Variants in RALYL observed in about 807,000 individuals in gnomAD.
RALYL encodes RALY RNA binding protein like.
A neutral mutation model predicts 35.1 loss-of-function variants in RALYL; 29 were observed. The observed-to-expected ratio is 0.83, with a 90% CI of 0.61 to 1.13. The LOEUF (loss-of-function observed/expected upper bound fraction) is 1.13, where lower values mean the gene tolerates loss of function less well. Among genes scored for constraint, RALYL ranks in the 50% most tolerant of loss-of-function variants. The pLI, the probability that RALYL is intolerant of heterozygous loss-of-function variation, is 0.00. For synonymous variants in RALYL, 120 were observed against 127.6 expected (o/e 0.94, Z 0.40); for missense variants, 359 against 360.4 (o/e 1.00, Z 0.03).
chr8:84,580,913 G>T (rs958346798), intron 2 of RALYL, among the ~76,000 whole-genome samples: 1 of 152,238 alleles, frequency 6.6e-6, no homozygotes, highest in South Asian at 2.1e-4. Context: ...AGTCTTGTTG[G>T]CTGGGAATGG....
chr8:84,459,940 A>G (rs1204373332), intron 1 of RALYL, among the ~76,000 whole-genome samples: 1 of 151,736 alleles, frequency 6.6e-6, no homozygotes, highest in Non-Finnish European at 1.5e-5. Context: ...ACAAATTCTT[A>G]AACTATAGAA....
intron 1 of RALYL, among the ~76,000 whole-genome samples, chr8:84,293,421 A>C (rs772368624): frequency 6.6e-6 from 1 of 152,120 alleles, no homozygotes; most frequent in Non-Finnish European, 1.5e-5. Flanking sequence ...TGATTATAGA[A>C]AAGCCAGCAT....
At chr8:84,424,901 G>T (rs1414022378) in intron 1 of RALYL, among the ~76,000 whole-genome samples, 2 of 151,662 alleles carry the variant, frequency 1.3e-5, no homozygotes, top group Non-Finnish European at 2.9e-5. Flanking sequence ...GAGGCAGTCT[G>T]CAGGTTCTCA....
intron 1 of RALYL, among the ~76,000 whole-genome samples, chr8:84,215,272 A>G (rs1820522670): frequency 6.6e-6 from 1 of 152,204 alleles, no homozygotes; most frequent in Non-Finnish European, 1.5e-5. Flanking sequence ...TGTCATAGCC[A>G]TAATGATTTT....
chr8:84,308,920 G>A (rs1001108438), intron 1 of RALYL, among the ~76,000 whole-genome samples: 4 of 151,870 alleles, frequency 2.6e-5, no homozygotes, highest in African/African-American at 9.6e-5. Context: ...AAAATAAAAT[G>A]CTAATAAACA....
At chr8:84,671,762 T>G (rs971757631) in intron 2 of RALYL, among the ~76,000 whole-genome samples, 5 of 152,092 alleles carry the variant, frequency 3.3e-5, no homozygotes, top group African/African-American at 4.8e-5. Context: ...CGAAACCATT[T>G]TTTCCTTCTA....
chr8:84,512,747 G>A (rs1369214637), intron 1 of RALYL, among the ~76,000 whole-genome samples: 1 of 152,048 alleles, frequency 6.6e-6, no homozygotes, highest in Non-Finnish European at 1.5e-5. Flanking sequence ...TCTGCATATG[G>A]ATGTCCAATT....
In RALYL at chr8:84,900,676, T is replaced by C. The variant is rs1587083489; in HGVS notation, c.858+12900T>C. Among the ~76,000 whole-genome samples, 5 of 151,250 alleles carry C rather than the reference T, an allele frequency of 3.3e-5. No individual in the cohort carries two copies. The East Asian group carries it at 9.7e-4, about 29-fold the overall frequency. The stretch of plus-strand genomic sequence containing the variant: ...CCTGGGCAACAAGAGCGAAAGTTTG[T>C]CTTAAAAAAAAAAAAATTCTCCCTA... On this transcript the variant is annotated intron_variant, in intron 8 of 8. Coordinates refer to ENST00000521268, the MANE Select transcript of RALYL (RefSeq NM_173848.7).
chr8:84,756,575 A>G (rs1811456448), intron 2 of RALYL, among the ~76,000 whole-genome samples: 1 of 152,140 alleles, frequency 6.6e-6, no homozygotes, highest in Admixed American at 6.6e-5. Flanking sequence ...ACACACACCT[A>G]TCTTCCCAAC....
chr8:84,447,748 A>G (rs1361094326), intron 1 of RALYL, among the ~76,000 whole-genome samples: 2 of 152,058 alleles, frequency 1.3e-5, no homozygotes, highest in African/African-American at 4.8e-5. Flanking sequence ...GCTCAGGCAG[A>G]TGTGACAAAG....
chr8:84,401,444 T>G (rs1466030580), intron 1 of RALYL, among the ~76,000 whole-genome samples: 1 of 151,740 alleles, frequency 6.6e-6, no homozygotes, highest in African/African-American at 2.4e-5. Context: ...GAGACCATCT[T>G]GGCTTAACAC....
At chr8:84,766,720 C>CAAAAA (rs751821694) in intron 2 of RALYL, among the ~76,000 whole-genome samples, 1 of 18,016 alleles carries the variant, frequency 5.6e-5, no homozygotes, top group African/African-American at 1.9e-4. Flanking sequence ...GAGACTGTCT[C>CAAAAA]AAAAAAAAAA....
chr8:84,319,543 G>T (rs979983491), intron 1 of RALYL, among the ~76,000 whole-genome samples: 1 of 152,044 alleles, frequency 6.6e-6, no homozygotes. Context: ...GCTTCTTTAA[G>T]TTCTTGTTAA....
At chr8:84,263,496 C>T (rs1044182074) in intron 1 of RALYL, among the ~76,000 whole-genome samples, 1 of 152,198 alleles carries the variant, frequency 6.6e-6, no homozygotes, top group African/African-American at 2.4e-5. Flanking sequence ...CAAATTCCCT[C>T]ATTCTGAATG....
chr8:84,577,095 T>C (rs1212870348), intron 2 of RALYL, among the ~76,000 whole-genome samples: 1 of 152,186 alleles, frequency 6.6e-6, no homozygotes, highest in Admixed American at 6.5e-5. Context: ...ATCTGACAGT[T>C]TTTAGGTCTT....
chr8:84,713,061 CTA>C (rs1378608070), intron 2 of RALYL, among the ~76,000 whole-genome samples: 1 of 151,990 alleles, frequency 6.6e-6, no homozygotes, highest in Non-Finnish European at 1.5e-5. Flanking sequence ...AGCTTTTCTT[CTA>C]TGTTTTCTTC....
At chr8:84,219,263 C>G (rs1821601569) in intron 1 of RALYL, among the ~76,000 whole-genome samples, 2 of 152,152 alleles carry the variant, frequency 1.3e-5, no homozygotes, top group East Asian at 3.9e-4. Flanking sequence ...TGAGTTCTCA[C>G]AAGAACTGAT....
At chr8:84,648,499 T>A (rs1827974721) in intron 2 of RALYL, among the ~76,000 whole-genome samples, 2 of 152,074 alleles carry the variant, frequency 1.3e-5, no homozygotes, top group Admixed American at 6.6e-5. Flanking sequence ...AAGATAATCT[T>A]TTGTCCAATG....
chr8:84,253,297 C>A (rs1000841881), intron 1 of RALYL, among the ~76,000 whole-genome samples: 1 of 142,994 alleles, frequency 7.0e-6, no homozygotes, highest in African/African-American at 2.6e-5. Context: ...TCAAGCTATT[C>A]TCCTGCCTCA....
Sources: gnomAD v4.1 joint callset for allele counts (sites outside exome capture counted in the v4.1 genomes callset) on GRCh38, gnomAD v4.1.1 for gene constraint, MANE v1.5 for transcripts, NCBI Gene and HGNC (gene_info 2026-07-23, HGNC 2026-07-21) for gene names.